The following MSI1 variants were observed in gnomAD, a reference collection of about 807,000 sequenced individuals.
MSI1 encodes musashi RNA binding protein 1.
A neutral mutation model predicts 54.4 loss-of-function variants in MSI1; 15 were observed. The observed-to-expected ratio is 0.28, with a 90% CI of 0.18 to 0.42. The LOEUF (loss-of-function observed/expected upper bound fraction) is 0.42. Ranked by LOEUF, MSI1 falls within the 20% of genes least tolerant of loss-of-function variation. The pLI is 1.00. For missense variants in MSI1, 304 were observed against 506.0 expected (o/e 0.60, Z 3.83); for synonymous variants, 200 against 196.5 (o/e 1.02, Z -0.15).
Position 120,352,701 on chromosome 12 carries a change from G to A in MSI1, c.733+598C>T, listed in dbSNP as rs148609394. Among the ~76,000 whole-genome samples, 1,202 of 151,510 alleles carry A rather than the reference G, an allele frequency of 7.9e-3. 15 individuals carry two copies. Among genetic ancestry groups the A allele is most frequent in the African/African-American group, 0.028 (1,142 of 41,454 alleles). On this transcript the variant is annotated intron_variant, in intron 10 of 14. Coordinates refer to ENST00000257552, the MANE Select transcript of MSI1 (RefSeq NM_002442.4). ...AGTAAATAAATAAATAAATGGCCTTGCAAAAGTTTGTATTTCTTATTTCAA... is the reference window on the plus strand; with the variant it reads ...AGTAAATAAATAAATAAATGGCCTTACAAAAGTTTGTATTTCTTATTTCAA...
At chr12:120,347,388 G>C in intron 12 of MSI1, 58 bp downstream of exon 12, 2 of 1,601,682 alleles carry the variant, frequency 1.2e-6, no homozygotes, top group Non-Finnish European at 1.7e-6. Flanking sequence ...CCCCTCCCCT[G>C]GACTTCTCTG....
intron 11 of MSI1, among the ~76,000 whole-genome samples, chr12:120,348,915 T>C (rs1420243451): frequency 6.6e-6 from 1 of 151,728 alleles, no homozygotes; most frequent in Non-Finnish European, 1.5e-5. Context: ...ATAAATAAAA[T>C]AAAATAAAAG....
At chr12:120,349,234 T>C (rs1179435) in intron 11 of MSI1, among the ~76,000 whole-genome samples, 64,349 of 151,568 alleles carry the variant, frequency 0.42, 14,691 homozygotes, top group South Asian at 0.56. Flanking sequence ...TAGCTGGGAC[T>C]ACAGGTGTGC....
rs577480466 is a variant in MSI1, at chr12:120,342,898, T to C, written c.*229A>G. Reference sequence around the variant, plus strand: ...AAAGCAGGGCCGGGAGAGGGGCGGGTGGGGATGGGGGCAAGGGCGAAGAGG... The same window carrying C: ...AAAGCAGGGCCGGGAGAGGGGCGGGCGGGGATGGGGGCAAGGGCGAAGAGG... On this transcript the variant is annotated 3_prime_UTR_variant, in exon 15 of 15. Transcript: ENST00000257552. The C allele has an allele frequency of 2.0e-4, 1 of 4,926 alleles. No homozygotes were observed. The highest frequency in any genetic ancestry group is 3.1e-3 in the Admixed American group (1 of 322). 0.3% of individuals were successfully genotyped at this position (4,926 alleles called of 1,614,324 possible).
chr12:120,358,656 G>A (rs1875352908), intron 7 of MSI1, among the ~76,000 whole-genome samples: 1 of 152,102 alleles, frequency 6.6e-6, no homozygotes, highest in Admixed American at 6.5e-5. Context: ...TGACTGCCTG[G>A]GGCTGTGGAG....
rs779816176 is a variant in MSI1, at chr12:120,368,888, G to C, written c.60-15C>G. The C allele has an allele frequency of 1.1e-4, 162 of 1,451,870 alleles. No homozygotes were observed. Among genetic ancestry groups the C allele is most frequent in the Middle Eastern group, 7.5e-4 (4 of 5,318 alleles). 89.9% of individuals were successfully genotyped at this position (1,451,870 alleles called of 1,614,324 possible). A position where few individuals can be genotyped will look rare whatever the true frequency, so the allele number is the denominator to read the frequency against. On this transcript the variant is annotated splice_polypyrimidine_tract_variant and intron_variant, in intron 1 of 14. Coordinates refer to ENST00000257552, the MANE Select transcript of MSI1 (RefSeq NM_002442.4). This position sits in a 1 kb window ranked among gnomAD's most constrained non-coding sequence, Gnocchi z 6.6. ...TGAACATCTTGCTGCGGGAGGAGGA[G>C]AGACACAAAGGGCCCGCGTGAGCGC...
intron 4 of MSI1, 56 bp from the exon 5 acceptor site, chr12:120,364,811 G>A (rs1875915657): frequency 1.3e-5 from 20 of 1,519,376 alleles, no homozygotes; most frequent in Non-Finnish European, 1.7e-5. Flanking sequence ...TTAGAAGAGC[G>A]ACCACACAGC....
At chr12:120,343,875 G>A (rs1873896506) in intron 14 of MSI1, among the ~76,000 whole-genome samples, 1 of 152,046 alleles carries the variant, frequency 6.6e-6, no homozygotes, top group Admixed American at 6.5e-5. Flanking sequence ...TTTGTTTGTT[G>A]AGGTGGAGTC....
chr12:120,340,438 A>T (rs1215890360), downstream of MSI1, among the ~76,000 whole-genome samples: 1 of 152,046 alleles, frequency 6.6e-6, no homozygotes, highest in Non-Finnish European at 1.5e-5. Flanking sequence ...CTTTTTCATA[A>T]TTTACTATTC....
At chr12:120,351,424 T>C in intron 10 of MSI1, 24 bp from the exon 11 acceptor site, 1 of 1,610,732 alleles carries the variant, frequency 6.2e-7, no homozygotes, top group Non-Finnish European at 8.5e-7. Context: ...TAAAACAGCT[T>C]AGGAAGAAGC....
chr12:120,368,317 C>T lies in MSI1; in HGVS notation c.101-44G>A. On this transcript the variant is annotated intron_variant, in intron 2 of 14. Transcript: ENST00000257552. The surrounding 1 kb of genome is among the most constrained non-coding windows in gnomAD (Gnocchi z 6.6). ...CTTCGGACCAGCCCGGGCCCCGCGC[C>T]CTTCCCCCCCCCCCGTCCTTTGCCC... is the stretch of plus-strand genomic sequence containing the variant. The T allele has an allele frequency of 6.9e-7, 1 of 1,451,060 alleles. No individual in the cohort carries two copies. The highest frequency in any genetic ancestry group is 9.1e-7 in the Non-Finnish European group (1 of 1,104,868). The allele number at this position is 1,451,060 out of a possible 1,614,324, so 89.9% of individuals were successfully genotyped here. A position where few individuals can be genotyped will look rare whatever the true frequency, so the allele number is the denominator to read the frequency against.
chr12:120,341,564 A>T lies in MSI1; in HGVS notation c.*1563T>A, dbSNP rs1366765616. The T allele has an allele frequency of 6.6e-6, 1 of 152,138 alleles. No individual in the cohort carries two copies. The highest frequency in any genetic ancestry group is 1.5e-5 in the Non-Finnish European group (1 of 67,938). The allele number at this position is 152,138 out of a possible 1,614,324, so 9.4% of individuals were successfully genotyped here. A position where few individuals can be genotyped will look rare whatever the true frequency, so the allele number is the denominator to read the frequency against. On this transcript the variant is annotated 3_prime_UTR_variant, in exon 15 of 15. Coordinates refer to ENST00000257552, the MANE Select transcript of MSI1 (RefSeq NM_002442.4). ...AGGGTCCGGGAATGAGGGAGAGGGA[A>T]GCTAAGTGTCTCAGGACTCAGCTCA...
intron 9 of MSI1, among the ~76,000 whole-genome samples, chr12:120,356,472 T>C (rs1465084396): frequency 2.0e-5 from 3 of 152,170 alleles, no homozygotes. Flanking sequence ...CACCCTACAC[T>C]TCTGCATCTG....
In MSI1 at chr12:120,368,879, G is replaced by A; in HGVS notation, c.60-6C>T. The A allele has an allele frequency of 6.8e-7, 1 of 1,464,766 alleles. No individual in the cohort carries two copies. Among genetic ancestry groups the A allele is most frequent in the Non-Finnish European group, 9.1e-7 (1 of 1,097,224 alleles). The allele number at this position is 1,464,766 out of a possible 1,614,324, so 90.7% of individuals were successfully genotyped here. On this transcript the variant is annotated splice_region_variant and splice_polypyrimidine_tract_variant and intron_variant, in intron 1 of 14. Coordinates refer to ENST00000257552, the MANE Select transcript of MSI1 (RefSeq NM_002442.4). The surrounding 1 kb of genome is among the most constrained non-coding windows in gnomAD (Gnocchi z 6.6). ...GTCCCCCGATGAACATCTTGCTGCG[G>A]GAGGAGGAGAGACACAAAGGGCCCG...
Position 120,368,623 on chromosome 12 carries a change from T to C in MSI1, c.100+210A>G, listed in dbSNP as rs1876182501. Among the ~76,000 whole-genome samples, 3 of 148,820 alleles carry C rather than the reference T, an allele frequency of 2.0e-5. No homozygotes were observed. In the South Asian group the frequency reaches 6.6e-4, roughly 33 times the overall value. ...GCCCAGCCCACCCCCCGATACCCCC[T>C]GAACCCCTCATCTGCTCCCCTCCAC... On this transcript the variant is annotated intron_variant, in intron 2 of 14. Transcript: ENST00000257552. The surrounding 1 kb of genome is among the most constrained non-coding windows in gnomAD (Gnocchi z 6.6).
At chr12:120,367,965 C>T in intron 4 of MSI1, 43 bp downstream of exon 4, 1 of 1,568,002 alleles carries the variant, frequency 6.4e-7, no homozygotes, top group Non-Finnish European at 8.7e-7. Flanking sequence ...CTCCGGCAGC[C>T]TCCCTCTCCC....
chr12:120,353,452 C>T, intron 9 of MSI1, 73 bp from the exon 10 acceptor site: 3 of 1,279,260 alleles, frequency 2.3e-6, no homozygotes, highest in South Asian at 1.2e-5. Context: ...AGGACCTGAG[C>T]CACTCATGTC....
rs566504903 is a variant in MSI1 at position 120,363,994 on chromosome 12, C to G, written c.309+720G>C. On this transcript the variant is annotated intron_variant, in intron 5 of 14. Transcript: ENST00000257552. ...AACTCAGGGGTCCTGACCCCATGTT[C>G]CGCAATCAGTCTCTCCTTCTGTCCT... Among the ~76,000 whole-genome samples, 8 of 152,332 alleles carry G rather than the reference C, an allele frequency of 5.3e-5. No individual in the cohort carries two copies. The South Asian group carries it at 1.7e-3, about 32-fold the overall frequency.
chr12:120,356,760 C>T, intron 9 of MSI1, 142 bp downstream of exon 9: 2 of 763,680 alleles, frequency 2.6e-6, no homozygotes, highest in Non-Finnish European at 4.3e-6. Flanking sequence ...CCAGACCCGA[C>T]AGATCCCTTG....
Sources: gnomAD v4.1 joint callset for allele counts (sites outside exome capture counted in the v4.1 genomes callset) on GRCh38, gnomAD v4.1.1 for gene constraint, Gnocchi (gnomAD v3.1) non-coding constraint, MANE v1.5 for transcripts, NCBI Gene and HGNC (gene_info 2026-07-23, HGNC 2026-07-21) for gene names.